KNTC1: variants seen among roughly 807,000 people sequenced by gnomAD.
KNTC1 encodes kinetochore-associated protein 1.
KNTC1 carries 253 observed loss-of-function variants against 314.4 expected under a neutral mutation model. The ratio of observed to expected loss-of-function variants is 0.80; its 90% confidence interval spans 0.73 to 0.89. KNTC1 has a LOEUF of 0.89. Among genes scored for constraint, KNTC1 ranks in the 40% least tolerant of loss-of-function variants. The pLI is 0.00. For synonymous variants in KNTC1, 901 were observed against 901.4 expected (o/e 1.00, Z 0.01); for missense variants, 2,475 against 2,572.9 (o/e 0.96, Z 0.82).
intron 1 of KNTC1, among the ~76,000 whole-genome samples, chr12:122,528,785 T>C (rs761398632): frequency 6.6e-6 from 1 of 152,230 alleles, no homozygotes; most frequent in South Asian, 2.1e-4. Flanking sequence ...AAATGTGCTA[T>C]GCCTGTAGGT....
At chr12:122,626,169 C>T in intron 63 of KNTC1, 36 bp from the exon 64 acceptor site, 2 of 1,468,114 alleles carry the variant, frequency 1.4e-6, no homozygotes, top group Non-Finnish European at 1.9e-6. Flanking sequence ...AACTAAGTGA[C>T]TTATAAAAAT....
At chr12:122,622,062 A>AGACATAGCAGT in intron 61 of KNTC1, 92 bp downstream of exon 61, 2 of 873,308 alleles carry the variant, frequency 2.3e-6, no homozygotes, top group African/African-American at 1.7e-5. Context: ...GAAAACTGCT[A>AGACATAGCAGT]TGTCTAGCTG....
At chr12:122,564,706 A>G (rs970567801) in intron 20 of KNTC1, among the ~76,000 whole-genome samples, 1 of 152,114 alleles carries the variant, frequency 6.6e-6, no homozygotes, top group Non-Finnish European at 1.5e-5. Context: ...TCCTGAGCTC[A>G]AGCGATCTGC....
chr12:122,538,511 C>A, intron 4 of KNTC1, 57 bp downstream of exon 4: 3 of 958,184 alleles, frequency 3.1e-6, no homozygotes, highest in Non-Finnish European at 4.7e-6. Context: ...ATCTCTTAGA[C>A]AACTAAAACT....
At chr12:122,570,451 AG>A (rs1201446217) in intron 22 of KNTC1, among the ~76,000 whole-genome samples, 2 of 151,780 alleles carry the variant, frequency 1.3e-5, no homozygotes, top group African/African-American at 4.8e-5. Context: ...AGGAGGTTGC[AG>A]TGAACCGAGA....
intron 1 of KNTC1, among the ~76,000 whole-genome samples, chr12:122,529,329 TTTGA>T (rs1211324883): frequency 6.6e-6 from 1 of 152,216 alleles, no homozygotes; most frequent in Non-Finnish European, 1.5e-5. Context: ...ATTGTAATTA[TTTGA>T]TTATCATTCC....
chr12:122,589,776 ATTTTTTTTTTTTTT>A (rs375169727), intron 40 of KNTC1, among the ~76,000 whole-genome samples: 44 of 94,596 alleles, frequency 4.7e-4, no homozygotes, highest in African/African-American at 1.6e-3. Context: ...GGGCCCCCCA[ATTTTTTTTTTTTTT>A]TTTTTTTTTT....
rs1964655258 is a variant in KNTC1, at chr12:122,571,137, A to G, written c.2019+11A>G. On this transcript the variant is annotated intron_variant, in intron 24 of 63. Transcript: ENST00000333479. ...CATTGGATTTCCTTGGTATGATGTG[A>G]GAATGGATTTTTAGTAATGAAACAG... The G allele has an allele frequency of 5.6e-6, 9 of 1,594,414 alleles. No individual in the cohort carries two copies. Among genetic ancestry groups the G allele is most frequent in the Admixed American group, 3.3e-5 (2 of 59,878 alleles).
intron 61 of KNTC1, 147 bp from the exon 62 acceptor site, chr12:122,622,315 G>C: frequency 1.5e-6 from 1 of 689,644 alleles, no homozygotes; most frequent in Non-Finnish European, 2.4e-6. Context: ...AAAAGGAGGC[G>C]CAGTCACAAT....
chr12:122,603,272 T>TA (rs370531688), intron 48 of KNTC1, 29 bp downstream of exon 48: 118,638 of 1,142,268 alleles, frequency 0.1, 658 homozygotes, highest in Middle Eastern at 0.12. Context: ...AAATTGTAGT[T>TA]AAAAAAAAAA....
chr12:122,559,535 A>G (rs150734005), intron 18 of KNTC1, among the ~76,000 whole-genome samples: 1 of 151,770 alleles, frequency 6.6e-6, no homozygotes, highest in Admixed American at 6.6e-5. Flanking sequence ...TTGTTAAAAA[A>G]TACATAACAT....
intron 57 of KNTC1, among the ~76,000 whole-genome samples, chr12:122,616,597 G>T (rs912487259): frequency 6.6e-6 from 1 of 152,118 alleles, no homozygotes; most frequent in Non-Finnish European, 1.5e-5. Context: ...TGCTATGTGT[G>T]TGCATATCTA....
At chr12:122,557,289 G>C in intron 16 of KNTC1, 95 bp from the exon 17 acceptor site, 1 of 1,176,366 alleles carries the variant, frequency 8.5e-7, no homozygotes, top group Non-Finnish European at 1.2e-6. Context: ...TCACCTTTTT[G>C]AAGTAGTTTG....
At chr12:122,615,332 A>G in intron 56 of KNTC1, 138 bp from the exon 57 acceptor site, 4 of 801,644 alleles carry the variant, frequency 5.0e-6, no homozygotes, top group Non-Finnish European at 7.8e-6. Flanking sequence ...ATGAACTTGT[A>G]AGTGAACTTC....
At position 122,576,982 on chromosome 12, in the gene KNTC1, G is replaced by A. The variant is rs559023746; in HGVS notation, c.2674G>A (p.Asp892Asn). Residue 892 changes from aspartate (D) to asparagine (N), a missense_variant, in exon 30 of 64, where the codon GAT (aspartate) becomes AAT (asparagine). Transcript: ENST00000333479. ...AGCCCAAGCGTTTATGTTATCTGAT[G>A]ATGAGATCTACAGTCTAAGAATTAT... is the stretch of plus-strand genomic sequence containing the variant. Reference protein sequence around the residue: ...KVAQAFMLSDDEIYSLRIIDL... With the variant: ...KVAQAFMLSDNEIYSLRIIDL... 1 of 1,591,492 alleles carries A rather than the reference G, an allele frequency of 6.3e-7. No individual in the cohort carries two copies. The highest frequency in any genetic ancestry group is 1.1e-5 in the South Asian group (1 of 87,618).
chr12:122,531,081 A>G (rs545639570), intron 2 of KNTC1, among the ~76,000 whole-genome samples: 2 of 150,592 alleles, frequency 1.3e-5, no homozygotes, highest in African/African-American at 2.4e-5. Context: ...ATTTTTTTTC[A>G]CTCAAATGGA....
intron 48 of KNTC1, among the ~76,000 whole-genome samples, 167 bp downstream of exon 48, chr12:122,603,410 A>G (rs1593663169): frequency 2.0e-5 from 3 of 152,252 alleles, no homozygotes; most frequent in Non-Finnish European, 2.9e-5. Flanking sequence ...GGAGGCAGGC[A>G]ATTTCCAACT....
intron 8 of KNTC1, 65 bp downstream of exon 8, chr12:122,544,334 T>C (rs1962604876): frequency 3.7e-6 from 3 of 814,516 alleles, no homozygotes; most frequent in Non-Finnish European, 6.0e-6. Context: ...AATGTTTTTG[T>C]TTTGGTTAAA....
chr12:122,602,403 T>G, intron 45 of KNTC1, 166 bp from the exon 46 acceptor site: 1 of 527,064 alleles, frequency 1.9e-6, no homozygotes, highest in South Asian at 3.1e-5. Flanking sequence ...AAATTATAGT[T>G]TAGATGAATA....
Sources: allele counts gnomAD v4.1 joint callset (sites outside exome capture counted in the v4.1 genomes callset), GRCh38; gene constraint gnomAD v4.1.1; transcripts MANE v1.5; gene names NCBI Gene and HGNC (gene_info 2026-07-23, HGNC 2026-07-21).